Variants in CEP41 observed in about 807,000 individuals in gnomAD.
CEP41 encodes the protein centrosomal protein of 41 kDa.
A neutral mutation model predicts 44.3 loss-of-function variants in CEP41; 32 were observed. The ratio of observed to expected loss-of-function variants is 0.72; its 90% CI spans 0.54 to 0.97. The LOEUF is 0.97. Ranked by LOEUF, CEP41 falls within the 50% of genes least tolerant of loss-of-function variation. The probability of loss-of-function intolerance (pLI) is 0.00; values close to 1 mark genes in which losing one functional copy is unlikely to be tolerated. For synonymous variants in CEP41, 151 were observed against 168.5 expected, an observed-to-expected ratio of 0.90 and a Z score of 0.80; for missense variants, 432 against 455.2, an observed-to-expected ratio of 0.95 and a Z score of 0.46.
chr7:130,416,185 T>C (rs1554420834), intron 3 of CEP41, among the ~76,000 whole-genome samples: 1 of 152,250 alleles, frequency 6.6e-6, no homozygotes, highest in Non-Finnish European at 1.5e-5. Context: ...AGTACCTCTT[T>C]ACCACCATTA....
At position 130,395,539 on chromosome 7, in the gene CEP41, T is replaced by G. The variant is rs1554414130; in HGVS notation, c.*3352A>C. The G allele has an allele frequency of 2.2e-6, 1 of 454,098 alleles. No homozygotes were observed. Among genetic ancestry groups the G allele is most frequent in the Non-Finnish European group, 4.4e-6 (1 of 226,780 alleles). The allele number at this position is 454,098 out of a possible 1,614,324, so 28.1% of individuals were successfully genotyped here. A position where few individuals can be genotyped will look rare whatever the true frequency, so the allele number is the denominator to read the frequency against. On this transcript the variant is annotated 3_prime_UTR_variant, in exon 11 of 11. Transcript: ENST00000223208. ...AATCCAGGTGGACAGAAACTAATTA[T>G]TCGCTCTAAAAAAGTCAGATAACAT... is the stretch of plus-strand genomic sequence containing the variant.
chr7:130,420,069 C>T (rs1261206939), intron 2 of CEP41: 1 of 985,228 alleles, frequency 1.0e-6, no homozygotes, highest in African/African-American at 1.7e-5. Flanking sequence ...TGCCTGCAAT[C>T]CCAGCACGTT....
In CEP41 at chr7:130,413,155, C is replaced by T. The variant is rs76112356; in HGVS notation, c.146-915G>A. Among the ~76,000 whole-genome samples the T allele has an allele frequency of 9.1e-3, 1,386 of 152,166 alleles. 25 individuals are homozygous for T. The highest frequency in any genetic ancestry group is 0.032 in the African/African-American group (1,318 of 41,532). On this transcript the variant is annotated intron_variant, in intron 3 of 10. Transcript: ENST00000223208. ...TACAGTTGCCCACCACCAGGCCTGG[C>T]TAATTTGTGTATTTTAGTAGAGACG...
chr7:130,408,772 C>T (rs1313923962), intron 5 of CEP41, among the ~76,000 whole-genome samples: 1 of 152,088 alleles, frequency 6.6e-6, no homozygotes, highest in African/African-American at 2.4e-5. Flanking sequence ...TACATATATA[C>T]ATTGCAGCAT....
At chr7:130,411,100 C>T in intron 5 of CEP41, 22 bp downstream of exon 5, 1 of 1,609,412 alleles carries the variant, frequency 6.2e-7, no homozygotes, top group Non-Finnish European at 8.5e-7. Flanking sequence ...GTTATTTTCC[C>T]CACACCCTCA....
chr7:130,440,983 C>G lies in CEP41; in HGVS notation c.-17G>C. The G allele has an allele frequency of 1.2e-6, 2 of 1,612,570 alleles. No homozygotes were observed. Among genetic ancestry groups the G allele is most frequent in the African/African-American group, 2.7e-5 (2 of 75,072 alleles). The stretch of plus-strand genomic sequence containing the variant: ...GAGGGACATATTTTCTCCAACCGAC[C>G]ACGTTCGGGGTTCTAGCCTCACGGG... On this transcript the variant is annotated 5_prime_UTR_variant, in exon 1 of 11. Coordinates refer to ENST00000223208, the MANE Select transcript of CEP41 (RefSeq NM_018718.3).
At chr7:130,417,343 C>A in intron 2 of CEP41, 3 of 1,085,246 alleles carry the variant, frequency 2.8e-6, no homozygotes, top group African/African-American at 1.7e-5. Context: ...AGAAGAGGAG[C>A]AAAAAGGAGG....
At chr7:130,440,201 A>G (rs937384993) in intron 1 of CEP41, among the ~76,000 whole-genome samples, 2 of 152,052 alleles carry the variant, frequency 1.3e-5, no homozygotes, top group South Asian at 4.2e-4. Flanking sequence ...TTGTATTTTT[A>G]GTAGAGACGG....
chr7:130,438,028 C>T (rs1046669014), intron 1 of CEP41, among the ~76,000 whole-genome samples: 3 of 152,102 alleles, frequency 2.0e-5, no homozygotes, highest in Non-Finnish European at 4.4e-5. Flanking sequence ...CATAACCACA[C>T]GGAACATACT....
Position 130,395,918 on chromosome 7 carries a change from G to T in CEP41, c.*2973C>A. 2.2e-6 allele frequency: 1 copy of T among 448,464 alleles called. No individual in the cohort carries two copies. Among genetic ancestry groups the T allele is most frequent in the South Asian group, 1.6e-5 (1 of 61,790 alleles). 27.8% of individuals were successfully genotyped at this position (448,464 alleles called of 1,614,324 possible). On this transcript the variant is annotated 3_prime_UTR_variant, in exon 11 of 11. Coordinates refer to ENST00000223208, the MANE Select transcript of CEP41 (RefSeq NM_018718.3). ...AAAGATAAAAGATAAAATGAATGCA[G>T]GCCATTTAAATCATTCCATACTTTT...
At chr7:130,408,743 T>G (rs1473028770) in intron 5 of CEP41, among the ~76,000 whole-genome samples, 1 of 152,110 alleles carries the variant, frequency 6.6e-6, no homozygotes, top group African/African-American at 2.4e-5. Context: ...CAGGGAATAA[T>G]CAGAATCATA....
chr7:130,421,395 G>A (rs998675482), intron 2 of CEP41: 25 of 985,298 alleles, frequency 2.5e-5, no homozygotes, highest in Admixed American at 6.1e-5. Context: ...CAGAAAGCAT[G>A]AAAAGAGGCA....
intron 2 of CEP41, chr7:130,426,729 A>C (rs1165339866): frequency 4.4e-6 from 2 of 450,968 alleles, no homozygotes; most frequent in African/African-American, 4.0e-5. Flanking sequence ...AGAAGAAACA[A>C]GGCTTGGGGG....
chr7:130,419,869 C>T (rs1797449122), intron 2 of CEP41: 1 of 985,236 alleles, frequency 1.0e-6, no homozygotes, highest in Non-Finnish European at 1.2e-6. Context: ...TAGCACTCGG[C>T]TTACAACTCA....
In CEP41 at chr7:130,396,362, G is replaced by C; in HGVS notation, c.*2529C>G. The stretch of plus-strand genomic sequence containing the variant: ...CCAGGCTTTCTGACTGGAGAGCTGA[G>C]GCCCCCTGCCCTAATTGGACTGATT... On this transcript the variant is annotated 3_prime_UTR_variant, in exon 11 of 11. Transcript: ENST00000223208. 2.2e-6 allele frequency: 1 copy of C among 454,058 alleles called. No individual in the cohort carries two copies. The highest frequency in any genetic ancestry group is 4.4e-6 in the Non-Finnish European group (1 of 226,772). 28.1% of individuals were successfully genotyped at this position (454,058 alleles called of 1,614,324 possible).
At chr7:130,432,224 G>A (rs1554425259) in intron 1 of CEP41, among the ~76,000 whole-genome samples, 1 of 152,176 alleles carries the variant, frequency 6.6e-6, no homozygotes, top group African/African-American at 2.4e-5. Context: ...AAAGGCTATC[G>A]TGCTAAGAGG....
chr7:130,426,922 A>G (rs560876932), intron 2 of CEP41: 6 of 229,066 alleles, frequency 2.6e-5, no homozygotes, highest in African/African-American at 7.1e-5. Context: ...TCACCTGCCC[A>G]TCAAGTGGGA....
At chr7:130,432,036 C>T (rs1053477535) in intron 1 of CEP41, among the ~76,000 whole-genome samples, 1 of 152,012 alleles carries the variant, frequency 6.6e-6, no homozygotes, top group Admixed American at 6.6e-5. Flanking sequence ...CAGGACAGCC[C>T]CACCACAAAG....
chr7:130,440,752 C>A (rs577781247), intron 1 of CEP41, 182 bp downstream of exon 1: 15 of 699,608 alleles, frequency 2.1e-5, no homozygotes, highest in Non-Finnish European at 3.4e-5. Flanking sequence ...AAACGGGGTC[C>A]TGAACGCTGC....
Sources: gnomAD v4.1 joint callset for allele counts (sites outside exome capture counted in the v4.1 genomes callset) on GRCh38, gnomAD v4.1.1 for gene constraint, MANE v1.5 for transcripts, NCBI Gene and HGNC (gene_info 2026-07-23, HGNC 2026-07-21) for gene names.